Variants in NAP1L1 observed in about 807,000 individuals in gnomAD.
NAP1L1 encodes nucleosome assembly protein 1 like 1.
NAP1L1 carries 9 observed loss-of-function variants against 58.9 expected under a neutral mutation model. The observed-to-expected ratio is 0.15, with a 90% CI of 0.09 to 0.27. The LOEUF (loss-of-function observed/expected upper bound fraction) is 0.27, where lower values mean the gene tolerates loss of function less well. NAP1L1 is among the 10% of genes least tolerant of loss of function. NAP1L1 has a pLI of 1.00. For synonymous variants in NAP1L1, 130 were observed against 138.3 expected (o/e 0.94, Z 0.42); for missense variants, 302 against 458.8 (o/e 0.66, Z 3.12).
chr12:76,053,815 G>T lies in NAP1L1; in HGVS notation c.725C>A (p.Ser242Tyr), dbSNP rs1321383420. Reference protein sequence around the residue: ...TYRMRSEPDDSDPFSFDGPEI... With the variant: ...TYRMRSEPDDYDPFSFDGPEI... Reference sequence around the variant, plus strand: ...TGGTCCATCAAAAGAAAAGGGATCAGAATCATCTGGTTCTGACCTCATCCT... The same window carrying T: ...TGGTCCATCAAAAGAAAAGGGATCATAATCATCTGGTTCTGACCTCATCCT... Residue 242 changes from serine (S) to tyrosine (Y), a missense_variant, in exon 9 of 15, where the codon TCT (serine) becomes TAT (tyrosine). Coordinates refer to ENST00000618691, the MANE Select transcript of NAP1L1 (RefSeq NM_004537.7). 1 of 1,609,772 alleles carries T rather than the reference G, an allele frequency of 6.2e-7. No individual in the cohort carries two copies. The highest frequency in any genetic ancestry group is 2.2e-5 in the East Asian group (1 of 44,706).
chr12:76,071,163 A>T (rs1949935462), intron 2 of NAP1L1, among the ~76,000 whole-genome samples: 1 of 152,190 alleles, frequency 6.6e-6, no homozygotes, highest in African/African-American at 2.4e-5. Flanking sequence ...ACAGACACAG[A>T]GGGCCAACTG....
At chr12:76,057,590 G>A in intron 6 of NAP1L1, 1 of 1,075,430 alleles carries the variant, frequency 9.3e-7, no homozygotes. Flanking sequence ...GGAGACCCAA[G>A]GAACAGAGCC....
At chr12:76,049,816 G>C in intron 12 of NAP1L1, 31 bp from the exon 13 acceptor site, 3 of 1,610,878 alleles carry the variant, frequency 1.9e-6, no homozygotes, top group Non-Finnish European at 2.5e-6. Flanking sequence ...TAAGTGTTGA[G>C]TGAATGTAAC....
At chr12:76,083,167 T>A (rs1592716898) in intron 1 of NAP1L1, among the ~76,000 whole-genome samples, 1 of 152,120 alleles carries the variant, frequency 6.6e-6, no homozygotes, top group Non-Finnish European at 1.5e-5. Context: ...CCCAGATCTT[T>A]AGGGCAGTAG....
chr12:76,072,439 T>C (rs1431378361), intron 2 of NAP1L1, among the ~76,000 whole-genome samples: 1 of 151,076 alleles, frequency 6.6e-6, no homozygotes, highest in Non-Finnish European at 1.5e-5. Context: ...AGATGGAAAA[T>C]AGGACAAAAG....
chr12:76,049,245 C>G lies in NAP1L1; in HGVS notation c.1095G>C (p.Gly365=). Residue 365 remains glycine (G), a synonymous_variant, in exon 14 of 15, where the codon GGG becomes GGC. Transcript: ENST00000618691. ...DEEGEEADEE[G]EEEGDEENDP... ...CATTTTCCTCATCTCCTTCTTCTTC[C>G]CCTTCCTATATTAAAGTTCAAAATG... is the stretch of plus-strand genomic sequence containing the variant. 1.9e-6 allele frequency: 3 copies of G among 1,613,512 alleles called. No homozygotes were observed. The highest frequency in any genetic ancestry group is 2.5e-6 in the Non-Finnish European group (3 of 1,179,740).
chr12:76,057,626 G>C, intron 6 of NAP1L1: 1 of 1,302,310 alleles, frequency 7.7e-7, no homozygotes, highest in East Asian at 2.4e-5. Flanking sequence ...TACCTACTTT[G>C]AGTCCTTTAT....
intron 4 of NAP1L1, among the ~76,000 whole-genome samples, chr12:76,062,191 A>G (rs528841295): frequency 1.3e-5 from 2 of 152,324 alleles, no homozygotes; most frequent in South Asian, 2.1e-4. Flanking sequence ...AAAGCCTTCA[A>G]ACATGTATTT....
chr12:76,049,679 A>G lies in NAP1L1; in HGVS notation c.1089+77T>C, dbSNP rs972493753. 2.3e-5 allele frequency: 36 copies of G among 1,570,162 alleles called. No homozygotes were observed. The African/African-American group carries it at 4.9e-4, about 21-fold the overall frequency. Reference sequence around the variant, plus strand: ...CCAAATCACAGAATGATTATAGCAAAGGAATACATAAGTCATTCAATTTGC... The same window carrying G: ...CCAAATCACAGAATGATTATAGCAAGGGAATACATAAGTCATTCAATTTGC... On this transcript the variant is annotated intron_variant, in intron 13 of 14. Transcript: ENST00000618691.
rs1948531095 is a variant in NAP1L1, at chr12:76,039,554, T to C, written c.*8875A>G. 1 of 152,200 alleles carries C rather than the reference T, an allele frequency of 6.6e-6. No individual in the cohort carries two copies. The highest frequency in any genetic ancestry group is 1.5e-5 in the Non-Finnish European group (1 of 68,048). The allele number at this position is 152,200 out of a possible 1,614,324, so 9.4% of individuals were successfully genotyped here. A position where few individuals can be genotyped will look rare whatever the true frequency, so the allele number is the denominator to read the frequency against. On this transcript the variant is annotated 3_prime_UTR_variant, in exon 15 of 15. Transcript: ENST00000618691. ...AGAAAAAGGAAAGATTATCTGAATA[T>C]TGTTTAAAATGAAATCTAGATTAAC...
At chr12:76,056,300 G>A (rs1949083087) in intron 6 of NAP1L1, 139 bp from the exon 7 acceptor site, 3 of 821,016 alleles carry the variant, frequency 3.7e-6, no homozygotes, top group Non-Finnish European at 5.5e-6. Flanking sequence ...CACCGCCGTT[G>A]CCCATAACAA....
chr12:76,048,523 C>T lies in NAP1L1; in HGVS notation c.1141-59G>A. 4 of 1,554,748 alleles carry T rather than the reference C, an allele frequency of 2.6e-6. No individual in the cohort carries two copies. The South Asian group carries it at 4.5e-5, about 17-fold the overall frequency. ...CTTCTACCTGCTTCAGTGAATTTCT[C>T]AATAGTAATTACTGCCTTAATTATA... On this transcript the variant is annotated intron_variant, in intron 14 of 14. Coordinates refer to ENST00000618691, the MANE Select transcript of NAP1L1 (RefSeq NM_004537.7).
chr12:76,043,824 T>C lies in NAP1L1; in HGVS notation c.*4605A>G, dbSNP rs1948573420. The C allele has an allele frequency of 6.6e-6, 1 of 152,216 alleles. No homozygotes were observed. Among genetic ancestry groups the C allele is most frequent in the Admixed American group, 6.5e-5 (1 of 15,278 alleles). The allele number at this position is 152,216 out of a possible 1,614,324, so 9.4% of individuals were successfully genotyped here. On this transcript the variant is annotated 3_prime_UTR_variant, in exon 15 of 15. Transcript: ENST00000618691. ...AAATTTTGAGCCTTCTGGTAGCAACTATTTTACAACCTCATGAAATTTACC... is the reference window on the plus strand; with the variant it reads ...AAATTTTGAGCCTTCTGGTAGCAACCATTTTACAACCTCATGAAATTTACC...
rs1565758581 is a variant in NAP1L1 at position 76,084,658 on chromosome 12, G to GCGC, written c.-115_-113dup. The GCGC allele has an allele frequency of 6.5e-6, 1 of 153,738 alleles. No homozygotes were observed. The highest frequency in any genetic ancestry group is 6.5e-5 in the Admixed American group (1 of 15,300). The allele number at this position is 153,738 out of a possible 1,614,324, so 9.5% of individuals were successfully genotyped here. A position where few individuals can be genotyped will look rare whatever the true frequency, so the allele number is the denominator to read the frequency against. On this transcript the variant is annotated 5_prime_UTR_variant, in exon 1 of 15. Coordinates refer to ENST00000618691, the MANE Select transcript of NAP1L1 (RefSeq NM_004537.7). ...GCAGCAGCGGGAGGAGCAGGAGGCG[G>GCGC]CGCCGCGAGCAGATGGCGCTAAAAA...
chr12:76,055,690 T>G (rs1485780039), intron 7 of NAP1L1, among the ~76,000 whole-genome samples: 1 of 152,216 alleles, frequency 6.6e-6, no homozygotes, highest in Non-Finnish European at 1.5e-5. Context: ...AAATTTCTCC[T>G]GGAAGAGTTA....
rs1020130248 is a variant in NAP1L1 at position 76,041,465 on chromosome 12, G to C, written c.*6964C>G. On this transcript the variant is annotated 3_prime_UTR_variant, in exon 15 of 15. Transcript: ENST00000618691. Reference sequence around the variant, plus strand: ...AAGTAAAAGAAAAGGCAGCCAAGCAGAGCTGAAATAGTGCAAATGCAGGTT... The same window carrying C: ...AAGTAAAAGAAAAGGCAGCCAAGCACAGCTGAAATAGTGCAAATGCAGGTT... 1.3e-5 allele frequency: 2 copies of C among 152,260 alleles called. No homozygotes were observed. The highest frequency in any genetic ancestry group is 2.9e-5 in the Non-Finnish European group (2 of 68,072). The allele number at this position is 152,260 out of a possible 1,614,324, so 9.4% of individuals were successfully genotyped here.
chr12:76,055,138 C>A, intron 7 of NAP1L1, 48 bp from the exon 8 acceptor site: 1 of 1,338,042 alleles, frequency 7.5e-7, no homozygotes, highest in Non-Finnish European at 1.0e-6. Context: ...CATTCGAGGA[C>A]TGTGTTCTGT....
chr12:76,079,292 G>A (rs1950310964), intron 1 of NAP1L1, among the ~76,000 whole-genome samples: 1 of 152,168 alleles, frequency 6.6e-6, no homozygotes, highest in South Asian at 2.1e-4. Flanking sequence ...TTGGAAGGCT[G>A]GGGCAGGAGG....
intron 1 of NAP1L1, chr12:76,083,950 A>G (rs1326043387): frequency 6.6e-6 from 1 of 152,218 alleles, no homozygotes; most frequent in African/African-American, 2.4e-5. Context: ...TGTGGAGCGA[A>G]GCCGCCGGGG....
Sources: allele counts gnomAD v4.1 joint callset (sites outside exome capture counted in the v4.1 genomes callset), GRCh38; gene constraint gnomAD v4.1.1; transcripts MANE v1.5; gene names NCBI Gene and HGNC (gene_info 2026-07-23, HGNC 2026-07-21).